Variants in SELENOP observed in about 807,000 individuals in gnomAD.
The protein encoded by SELENOP is selenoprotein P, also known as selenoprotein P, plasma, 1.
A neutral mutation model predicts 41.0 loss-of-function variants in SELENOP; 36 were observed. The ratio of observed to expected loss-of-function variants is 0.88; its 90% CI spans 0.67 to 1.16. The LOEUF is 1.16. SELENOP is among the 50% of genes most tolerant of loss of function. The pLI is 0.00. For synonymous variants in SELENOP, 144 were observed against 150.8 expected (o/e 0.95, Z 0.33); for missense variants, 440 against 454.2 (o/e 0.97, Z 0.28).
intron 4 of SELENOP, among the ~76,000 whole-genome samples, 178 bp downstream of exon 4, chr5:42,804,478 T>TAATAAATA (rs28919905): frequency 3.1e-4 from 47 of 151,530 alleles, no homozygotes; most frequent in Non-Finnish European, 6.0e-4. Context: ...ATAGTAATAG[T>TAATAAATA]AATAAATAAA....
At chr5:42,809,857 A>G (rs1760422841) in intron 1 of SELENOP, 1 of 344,490 alleles carries the variant, frequency 2.9e-6, no homozygotes, top group Non-Finnish European at 4.1e-6. Flanking sequence ...GGCCACTCCA[A>G]CTACTTATTT....
intron 4 of SELENOP, 110 bp from the exon 5 acceptor site, chr5:42,801,441 C>T (rs985588212): frequency 1.3e-5 from 10 of 796,180 alleles, no homozygotes; most frequent in Middle Eastern, 3.6e-4. Context: ...TAATTAGAAT[C>T]GAGCTGGCTT....
intron 1 of SELENOP, among the ~76,000 whole-genome samples, chr5:42,809,335 T>TA (rs1760411304): frequency 6.6e-6 from 1 of 152,184 alleles, no homozygotes; most frequent in Non-Finnish European, 1.5e-5. Flanking sequence ...AAAATGCTTT[T>TA]AAATACCTGA....
Position 42,804,009 on chromosome 5 carries a change from TTAC to T in SELENOP, c.534+644_534+646del, listed in dbSNP as rs200212318. Among the ~76,000 whole-genome samples, 15 of 152,342 alleles carry T rather than the reference TTAC, an allele frequency of 9.8e-5. No homozygotes were observed. In the East Asian group the frequency reaches 2.9e-3, roughly 29 times the overall value. ...ATGTTCTTGTGCTAACATGTTCAGG[TTAC>T]TACAATAACATTGCTTTTTTGTGTT... On this transcript the variant is annotated intron_variant, in intron 4 of 4. Transcript: ENST00000514985.
At chr5:42,808,722 C>T (rs1373631697) in intron 1 of SELENOP, among the ~76,000 whole-genome samples, 1 of 148,646 alleles carries the variant, frequency 6.7e-6, no homozygotes, top group African/African-American at 2.5e-5. Context: ...TCCTGGCTAA[C>T]ACGGTGAAAC....
chr5:42,804,026 CT>C (rs1055288122), intron 4 of SELENOP, among the ~76,000 whole-genome samples: 1 of 152,176 alleles, frequency 6.6e-6, no homozygotes, highest in Non-Finnish European at 1.5e-5. Context: ...AATAACATTG[CT>C]TTTTTGTGTT....
chr5:42,802,450 C>A (rs1398006562), intron 4 of SELENOP: 1 of 152,120 alleles, frequency 6.6e-6, no homozygotes. Flanking sequence ...CTAAGTGGTA[C>A]TTTATTTGGT....
At chr5:42,808,087 A>G in intron 2 of SELENOP, 64 bp downstream of exon 2, 2 of 749,416 alleles carry the variant, frequency 2.7e-6, no homozygotes, top group Non-Finnish European at 2.0e-6. Flanking sequence ...TTATGTCTAT[A>G]TGCGTGTGTG....
At chr5:42,808,399 T>C (rs745570602) in intron 1 of SELENOP, 33 bp from the exon 2 acceptor site, 1 of 870,950 alleles carries the variant, frequency 1.1e-6, no homozygotes, top group Non-Finnish European at 1.6e-6. Flanking sequence ...CTCTTCTTCA[T>C]AGTTAACTTC....
Position 42,800,421 on chromosome 5 carries a change from C to T in SELENOP, c.*299G>A, listed in dbSNP as rs1760155981. The T allele has an allele frequency of 4.1e-6, 1 of 243,322 alleles. No individual in the cohort carries two copies. Among genetic ancestry groups the T allele is most frequent in the South Asian group, 1.1e-4 (1 of 9,440 alleles). The allele number at this position is 243,322 out of a possible 1,614,324, so 15.1% of individuals were successfully genotyped here. On this transcript the variant is annotated 3_prime_UTR_variant, in exon 5 of 5. Transcript: ENST00000514985. Reference sequence around the variant, plus strand: ...ACTGCTAATTATCCAACAGAAACCCCTAGGTCATAGTTTACGTTTCTATTC... The same window carrying T: ...ACTGCTAATTATCCAACAGAAACCCTTAGGTCATAGTTTACGTTTCTATTC...
intron 3 of SELENOP, chr5:42,806,090 T>C (rs1477871677): frequency 6.6e-6 from 1 of 152,206 alleles, no homozygotes; most frequent in Non-Finnish European, 1.5e-5. Flanking sequence ...CCATAGAATT[T>C]GATTACTGAC....
intron 4 of SELENOP, chr5:42,801,604 G>A: frequency 2.2e-6 from 1 of 447,238 alleles, no homozygotes; most frequent in Non-Finnish European, 3.9e-6. Flanking sequence ...GAAAGTCAAA[G>A]TAATATCAAA....
intron 3 of SELENOP, chr5:42,806,323 G>A (rs987401591): frequency 2.0e-5 from 3 of 152,226 alleles, no homozygotes; most frequent in Non-Finnish European, 4.4e-5. Context: ...TCACACAAAA[G>A]TGAAAGTATA....
In SELENOP at chr5:42,801,221, A is replaced by C; in HGVS notation, c.645T>G (p.His215Gln). Residue 215 changes from histidine to glutamine, a missense_variant, in exon 5 of 5, where the codon CAT becomes CAG. Coordinates refer to ENST00000514985, the MANE Select transcript of SELENOP (RefSeq NM_005410.4). ...YHHEHHHNHG[H>Q]QHLGSSELSE... ...AAAGCTCACTGCTGCCAAGGTGCTG[A>C]TGTCCATGATTGTGATGATGCTCAT... 6.2e-7 allele frequency: 1 copy of C among 1,614,144 alleles called. No homozygotes were observed. The highest frequency in any genetic ancestry group is 1.6e-4 in the Middle Eastern group (1 of 6,062).
rs754470960 is a variant in SELENOP at position 42,804,652 on chromosome 5, A to G, written c.534+4T>C. ...CTCCCCAGAAAAATAATTCAGAAAA[A>G]TACCGTGAGAGAGCAGTTTCCACAT... On this transcript the variant is annotated splice_donor_region_variant and intron_variant, in intron 4 of 4. Coordinates refer to ENST00000514985, the MANE Select transcript of SELENOP (RefSeq NM_005410.4). The G allele has an allele frequency of 6.7e-7, 1 of 1,483,808 alleles. No homozygotes were observed. Among genetic ancestry groups the G allele is most frequent in the Non-Finnish European group, 9.3e-7 (1 of 1,075,890 alleles). The allele number at this position is 1,483,808 out of a possible 1,614,324, so 91.9% of individuals were successfully genotyped here.
In SELENOP at chr5:42,800,962, A is replaced by G; in HGVS notation, c.904T>C (p.Cys302Arg). ...TCAAATATCAGATGTCGACAATGGCAGCATCAGCTCCTAGGAGCCAACTCT... is the reference window on the plus strand; with the variant it reads ...TCAAATATCAGATGTCGACAATGGCGGCATCAGCTCCTAGGAGCCAACTCT... ...DSELAPRSUC[C>R]HCRHLIFEKT... The change falls in exon 5 of 5, where the codon TGC (cysteine) becomes CGC (arginine). Residue 302 changes from cysteine (C) to arginine (R), a missense_variant. Physicochemically the swap from Cys to Arg is radical, Grantham distance 180 (BLOSUM62 -3). Transcript: ENST00000514985. 1 of 1,614,264 alleles carries G rather than the reference A, an allele frequency of 6.2e-7. No homozygotes were observed. The highest frequency in any genetic ancestry group is 8.5e-7 in the Non-Finnish European group (1 of 1,180,050).
At chr5:42,807,268 A>C in intron 2 of SELENOP, 160 bp from the exon 3 acceptor site, 1 of 441,062 alleles carries the variant, frequency 2.3e-6, no homozygotes, top group Non-Finnish European at 4.1e-6. Flanking sequence ...AGATTTTAAA[A>C]CTTTCATTTT....
At chr5:42,810,747 C>T (rs1435634598) in intron 1 of SELENOP, 1 of 1,085,564 alleles carries the variant, frequency 9.2e-7, no homozygotes, top group South Asian at 2.1e-5. Context: ...CGTGAGCCAC[C>T]GCGTCCAGCC....
chr5:42,809,781 GAACTT>G, intron 1 of SELENOP: 1 of 958,520 alleles, frequency 1.0e-6, no homozygotes. Flanking sequence ...ATCTTGATAA[GAACTT>G]AACTAGAGAG....
Sources: allele counts gnomAD v4.1 joint callset (sites outside exome capture counted in the v4.1 genomes callset), GRCh38; gene constraint gnomAD v4.1.1; transcripts MANE v1.5; gene names NCBI Gene and HGNC (gene_info 2026-07-23, HGNC 2026-07-21).